TEX14: variants seen among roughly 807,000 people sequenced by gnomAD.
TEX14 encodes the protein inactive serine/threonine-protein kinase TEX14.
Under a neutral mutation model 178.6 loss-of-function variants are expected in TEX14, and 168 were observed. That is an observed-to-expected ratio of 0.94 (90% CI 0.83 to 1.07). The LOEUF (loss-of-function observed/expected upper bound fraction) is 1.07. TEX14 is among the 50% of genes least tolerant of loss of function. The pLI is 0.00. For missense variants in TEX14, 1,730 were observed against 1,753.6 expected (o/e 0.99, Z 0.24); for synonymous variants, 626 against 634.1 (o/e 0.99, Z 0.19).
At chr17:58,589,601 T>C (rs1390795329) in intron 15 of TEX14, among the ~76,000 whole-genome samples, 2 of 143,826 alleles carry the variant, frequency 1.4e-5, no homozygotes, top group Non-Finnish European at 3.0e-5. Flanking sequence ...GGCACAGATA[T>C]GAATTCCCTG....
At chr17:58,643,458 C>A (rs1443243679) in intron 2 of TEX14, among the ~76,000 whole-genome samples, 1 of 152,080 alleles carries the variant, frequency 6.6e-6, no homozygotes, top group Non-Finnish European at 1.5e-5. Context: ...TCACTTTCAA[C>A]CACGTTGCTC....
At chr17:58,661,446 C>G (rs759924359) in intron 1 of TEX14, 6 of 794,716 alleles carry the variant, frequency 7.5e-6, no homozygotes, top group Non-Finnish European at 1.4e-5. Context: ...GCAACCTTGT[C>G]AAGGAGGTCG....
chr17:58,591,179 T>A (rs994693733), intron 15 of TEX14, among the ~76,000 whole-genome samples: 7 of 152,214 alleles, frequency 4.6e-5, no homozygotes, highest in African/African-American at 1.7e-4. Context: ...TGATGCCAGC[T>A]AGGTAGTTCT....
At chr17:58,685,170 A>C (rs936289879) in intron 1 of TEX14, among the ~76,000 whole-genome samples, 15 of 151,910 alleles carry the variant, frequency 9.9e-5, no homozygotes, top group African/African-American at 3.6e-4. Flanking sequence ...CTAGTTTTGA[A>C]GGACCTGTTT....
chr17:58,659,235 T>TCCCAAACACAA (rs57065505), intron 1 of TEX14: 279,378 of 489,800 alleles, frequency 0.57, 81,643 homozygotes, highest in African/African-American at 0.7. Context: ...AGCAAACACA[T>TCCCAAACACAA]AGTAAAAACC....
At chr17:58,627,597 C>T (rs774154159) in intron 3 of TEX14, among the ~76,000 whole-genome samples, 7 of 151,900 alleles carry the variant, frequency 4.6e-5, no homozygotes, top group South Asian at 2.1e-4. Flanking sequence ...AAGGTGAAAC[C>T]GCATCTCTAC....
At chr17:58,564,797 A>G (rs2044362338) in intron 28 of TEX14, 72 bp downstream of exon 28, 2 of 903,386 alleles carry the variant, frequency 2.2e-6, no homozygotes, top group East Asian at 2.7e-5. Context: ...TTATTTGTCA[A>G]TATTAGAAAA....
chr17:58,580,396 C>G (rs2144393567), intron 19 of TEX14, among the ~76,000 whole-genome samples: 1 of 152,292 alleles, frequency 6.6e-6, no homozygotes. Context: ...ACTGCACCCT[C>G]TGTCCCCCGG....
At chr17:58,570,587 C>A in intron 24 of TEX14, 103 bp from the exon 25 acceptor site, 1 of 561,360 alleles carries the variant, frequency 1.8e-6, no homozygotes, top group Non-Finnish European at 3.0e-6. Flanking sequence ...GTCAAACTCA[C>A]TCACATGTCA....
At chr17:58,630,613 G>C in intron 2 of TEX14, 59 bp from the exon 3 acceptor site, 1 of 1,161,136 alleles carries the variant, frequency 8.6e-7, no homozygotes. Flanking sequence ...GAAGGAACTG[G>C]GTAGGGGGTG....
chr17:58,590,254 T>C (rs1416100458), intron 15 of TEX14, among the ~76,000 whole-genome samples: 1 of 108,756 alleles, frequency 9.2e-6, no homozygotes, highest in Non-Finnish European at 1.8e-5. Context: ...AGCAAGACTC[T>C]GTGTCAAAAA....
intron 13 of TEX14, among the ~76,000 whole-genome samples, chr17:58,600,044 G>A (rs1358261596): frequency 6.6e-6 from 1 of 152,084 alleles, no homozygotes; most frequent in African/African-American, 2.4e-5. Flanking sequence ...TGTTGCCCAG[G>A]TTGCTCTCAA....
At chr17:58,631,594 T>C (rs1053185867) in intron 2 of TEX14, 9 of 146,716 alleles carry the variant, frequency 6.1e-5, no homozygotes, top group African/African-American at 1.7e-4. Flanking sequence ...ATTAAAAACA[T>C]GAGGAAACCA....
At chr17:58,683,243 C>T (rs1283333344) in intron 1 of TEX14, among the ~76,000 whole-genome samples, 1 of 151,140 alleles carries the variant, frequency 6.6e-6, no homozygotes, top group Non-Finnish European at 1.5e-5. Flanking sequence ...CATGGTGGCA[C>T]GTGTCTGTAA....
chr17:58,575,512 A>G (rs2044655267), intron 21 of TEX14, among the ~76,000 whole-genome samples: 1 of 152,186 alleles, frequency 6.6e-6, no homozygotes, highest in Non-Finnish European at 1.5e-5. Flanking sequence ...TAATTCTGTT[A>G]CCAAAAATGT....
rs2045843300 is a variant in TEX14, at chr17:58,615,185, C to G, written c.881+47G>C. On this transcript the variant is annotated intron_variant, in intron 8 of 31. Coordinates refer to ENST00000349033, the MANE Select transcript of TEX14 (RefSeq NM_031272.5). ...GAGCTGAATAGCCCAGAACCTGAGT[C>G]TGTAGAGAGACCTGGACCTATAAGG... 4.5e-6 allele frequency: 5 copies of G among 1,123,528 alleles called. No individual in the cohort carries two copies. In the South Asian group the frequency reaches 6.3e-5, roughly 14 times the overall value. The allele number at this position is 1,123,528 out of a possible 1,614,324, so 69.6% of individuals were successfully genotyped here. A position where few individuals can be genotyped will look rare whatever the true frequency, so the allele number is the denominator to read the frequency against.
chr17:58,667,861 C>G (rs571243887), intron 1 of TEX14, among the ~76,000 whole-genome samples: 2 of 151,296 alleles, frequency 1.3e-5, no homozygotes, highest in Non-Finnish European at 1.5e-5. Context: ...CCACCGCACT[C>G]CAGCCTGGGC....
At chr17:58,677,450 T>C (rs1031507316) in intron 1 of TEX14, 5 of 152,118 alleles carry the variant, frequency 3.3e-5, no homozygotes, top group Admixed American at 6.6e-5. Context: ...ACAAACTAAA[T>C]AGTAGTACAG....
intron 1 of TEX14, among the ~76,000 whole-genome samples, chr17:58,686,268 G>A (rs947329562): frequency 1.3e-5 from 2 of 152,152 alleles, no homozygotes; most frequent in Non-Finnish European, 2.9e-5. Context: ...CTTGAGCCCA[G>A]GAGTTCAAGG....
Sources: allele counts gnomAD v4.1 joint callset (sites outside exome capture counted in the v4.1 genomes callset), GRCh38; gene constraint gnomAD v4.1.1; transcripts MANE v1.5; gene names NCBI Gene and HGNC (gene_info 2026-07-23, HGNC 2026-07-21).